The following RPAP1 variants were observed in gnomAD, a reference collection of about 807,000 sequenced individuals.
RPAP1 encodes the protein RNA polymerase II-associated protein 1.
RPAP1 carries 109 observed loss-of-function variants against 142.4 expected under a neutral mutation model. The ratio of observed to expected loss-of-function variants is 0.77; its 90% CI spans 0.66 to 0.90. The LOEUF is 0.90. Ranked by LOEUF, RPAP1 falls within the 40% of genes least tolerant of loss-of-function variation. The pLI, the probability that RPAP1 is intolerant of heterozygous loss-of-function variation, is 0.00. For synonymous variants in RPAP1, 704 were observed against 738.9 expected (o/e 0.95, Z 0.77); for missense variants, 1,546 against 1,751.7 (o/e 0.88, Z 2.10).
At position 41,527,028 on chromosome 15, in the gene RPAP1, T is replaced by C; in HGVS notation, c.1787A>G (p.Glu596Gly). ...CPRLIETIVR[E>G]FLPTSWSPVG... ...AGGAGACCAACTGGTGGGCAAGAAC[T>C]CTCGAACTATAGTCTCTATCAGCCG... Residue 596 changes from glutamate (E) to glycine (G), a missense_variant, in exon 14 of 25, where the codon GAG becomes GGG. By Grantham distance (98) the Glu-to-Gly change is moderately conservative. Transcript: ENST00000304330. 1.2e-6 allele frequency: 2 copies of C among 1,614,198 alleles called. No homozygotes were observed. The highest frequency in any genetic ancestry group is 1.7e-6 in the Non-Finnish European group (2 of 1,180,042).
At position 41,531,621 on chromosome 15, in the gene RPAP1, ATATATAT is replaced by A. The variant is rs1415485095; in HGVS notation, c.764-426_764-420del. On this transcript the variant is annotated intron_variant, in intron 6 of 24. Coordinates refer to ENST00000304330, the MANE Select transcript of RPAP1 (RefSeq NM_015540.4). ...CACACATATATATATATATATATAT[ATATATAT>A]TTTTTTTTTTTTTTTTTTTTTTTTT... Among the ~76,000 whole-genome samples the A allele has an allele frequency of 5.2e-3, 177 of 34,212 alleles. 4 individuals carry two copies. The highest frequency in any genetic ancestry group is 0.034 in the East Asian group (42 of 1,246). The allele number at this position is 34,212 out of a possible 152,430, so 22.4% of individuals were successfully genotyped here.
rs1267564405 is a variant in RPAP1, at chr15:41,522,110, C to T, written c.2883G>A (p.Leu961=). ...CAGGGGGACCTACCGCTTTCTGGGC[C>T]AGAGCGAGTGCCAGGTACTGCAGGT... The part of the protein sequence containing the change: ...EYHLQYLALA[L]AQKAAALQPL... Residue 961 remains leucine, a synonymous_variant, in exon 20 of 25, where the codon CTG becomes CTA. Transcript: ENST00000304330. 6.2e-7 allele frequency: 1 copy of T among 1,613,542 alleles called. No homozygotes were observed. The highest frequency in any genetic ancestry group is 2.2e-5 in the East Asian group (1 of 44,888).
intron 6 of RPAP1, among the ~76,000 whole-genome samples, chr15:41,531,621 ATATATATTTTTTTTTTTTTT>A (rs1200181690): frequency 0.017 from 580 of 33,924 alleles, 2 homozygotes; most frequent in African/African-American, 0.061. Context: ...ATATATATAT[ATATATATTTTTTTTTTTTTT>A]TTTTTTTTTT....
Position 41,523,778 on chromosome 15 carries a change from C to T in RPAP1, c.2429G>A (p.Ser810Asn). Residue 810 changes from serine (S) to asparagine (N), a missense_variant, in exon 17 of 25, where the codon AGC becomes AAC. Transcript: ENST00000304330. ...LFLGAYYQAW[S>N]QQPSSCPEDW... ...CCGGCAGGAGGCACTCACTTGCTGG[C>T]TCCAGGCCTGGTAGTAGGCTCCCAG... 6.3e-7 allele frequency: 1 copy of T among 1,597,596 alleles called. No homozygotes were observed. Among genetic ancestry groups the T allele is most frequent in the Non-Finnish European group, 8.5e-7 (1 of 1,172,720 alleles).
At position 41,536,646 on chromosome 15, in the gene RPAP1, A is replaced by G. The variant is rs1355545821; in HGVS notation, c.185T>C (p.Leu62Pro). 1.9e-6 allele frequency: 3 copies of G among 1,613,498 alleles called. No homozygotes were observed. The highest frequency in any genetic ancestry group is 3.3e-5 in the Admixed American group (2 of 59,962). Reference protein sequence around the residue: ...DHRDVVMLDNLPDLPPALVPS... With the variant: ...DHRDVVMLDNPPDLPPALVPS... Reference sequence around the variant, plus strand: ...GACCAAAGCTGGGGGCAAATCTGGGAGATCTGAGAAAGAAAAGATCCCAAA... The same window carrying G: ...GACCAAAGCTGGGGGCAAATCTGGGGGATCTGAGAAAGAAAAGATCCCAAA... Residue 62 changes from leucine (L) to proline (P), a missense_variant, in exon 3 of 25, where the codon CTC becomes CCC. Physicochemically the swap from Leu to Pro is moderately conservative, Grantham distance 98. Coordinates refer to ENST00000304330, the MANE Select transcript of RPAP1 (RefSeq NM_015540.4).
chr15:41,529,914 G>A lies in RPAP1; in HGVS notation c.1009C>T (p.Leu337Phe). Residue 337 changes from leucine to phenylalanine, a missense_variant, in exon 8 of 25, where the codon CTC becomes TTC. Physicochemically the swap from Leu to Phe is conservative, Grantham distance 22. Around this residue, in one of 3 missense-constraint regions of RPAP1, gnomAD observed 1,333 missense variants for 1,486.6 expected, o/e 0.90. Transcript: ENST00000304330. ...LHMDTVELEK[L>F]HWTQDLPPVR... The stretch of plus-strand genomic sequence containing the variant: ...GGGGGCAAGTCCTGGGTCCAGTGGA[G>A]CTTCTCCAGCTCGACAGTGTCCATG... 1 of 1,613,842 alleles carries A rather than the reference G, an allele frequency of 6.2e-7. No homozygotes were observed. The highest frequency in any genetic ancestry group is 8.5e-7 in the Non-Finnish European group (1 of 1,179,840).
rs2051811545 is a variant in RPAP1, at chr15:41,527,917, C to G, written c.1371G>C (p.Gly457=). The change falls in exon 11 of 25, where the codon GGG becomes GGC. Residue 457 remains glycine, a synonymous_variant. Coordinates refer to ENST00000304330, the MANE Select transcript of RPAP1 (RefSeq NM_015540.4). ...GAGCACGGATGGCGGTTGCAATGAC[C>G]CCATCCACTCTGTCATCCAAGGAGA... ...LRFSLDDRVD[G]VIATAIRALR... The G allele has an allele frequency of 6.2e-7, 1 of 1,614,098 alleles. No individual in the cohort carries two copies. Among genetic ancestry groups the G allele is most frequent in the Non-Finnish European group, 8.5e-7 (1 of 1,180,030 alleles).
intron 21 of RPAP1, among the ~76,000 whole-genome samples, chr15:41,521,513 C>A (rs2051725805): frequency 6.6e-6 from 1 of 152,188 alleles, no homozygotes; most frequent in Non-Finnish European, 1.5e-5. Context: ...GATTTAGATA[C>A]CATTTTTTTA....
intron 21 of RPAP1, 85 bp downstream of exon 21, chr15:41,521,653 C>A: frequency 6.8e-7 from 1 of 1,481,258 alleles, no homozygotes; most frequent in South Asian, 1.3e-5. Flanking sequence ...ATTTAGGTCT[C>A]CTGGCTCCAA....
In RPAP1 at chr15:41,536,148, A is replaced by G; in HGVS notation, c.401T>C (p.Leu134Pro). Residue 134 changes from leucine (L) to proline (P), a missense_variant, in exon 4 of 25, where the codon CTT (leucine) becomes CCT (proline). Physicochemically the swap from Leu to Pro is moderately conservative, Grantham distance 98. This residue lies in a region of RPAP1 where 1,333 missense variants were observed against 1,486.6 expected (regional missense o/e 0.90). Transcript: ENST00000304330. ...PSGVAFPAVF[L>P]RSRDTQGKSA... The stretch of plus-strand genomic sequence containing the variant: ...GCCTACCTGTGTGTCCCGCGAGCGA[A>G]GGAACACAGCAGGGAAAGCAACACC... 6.2e-7 allele frequency: 1 copy of G among 1,614,054 alleles called. No individual in the cohort carries two copies. Among genetic ancestry groups the G allele is most frequent in the Admixed American group, 1.7e-5 (1 of 59,994 alleles).
chr15:41,535,676 C>T, intron 4 of RPAP1, 44 bp from the exon 5 acceptor site: 1 of 1,596,178 alleles, frequency 6.3e-7, no homozygotes, highest in Non-Finnish European at 8.5e-7. Context: ...GCTCATCATC[C>T]CACTTTCCTC....
At chr15:41,517,931 C>G (rs2051682074) in intron 23 of RPAP1, 74 bp from the exon 24 acceptor site, 2 of 1,613,114 alleles carry the variant, frequency 1.2e-6, no homozygotes, top group East Asian at 4.5e-5. Flanking sequence ...TGACACTTAC[C>G]TCTTCCCCAG....
chr15:41,527,924 A>C lies in RPAP1; in HGVS notation c.1364T>G (p.Val455Gly). 6.2e-7 allele frequency: 1 copy of C among 1,614,060 alleles called. No individual in the cohort carries two copies. ...GATGGCGGTTGCAATGACCCCATCC[A>C]CTCTGTCATCCAAGGAGAAGCGCAG... is the stretch of plus-strand genomic sequence containing the variant. The part of the protein sequence containing the change: ...FLLRFSLDDR[V>G]DGVIATAIRA... Residue 455 changes from valine to glycine, a missense_variant, in exon 11 of 25, where the codon GTG (valine) becomes GGG (glycine). By Grantham distance (109) the Val-to-Gly change is moderately radical. Coordinates refer to ENST00000304330, the MANE Select transcript of RPAP1 (RefSeq NM_015540.4).
chr15:41,531,134 CAG>C lies in RPAP1; in HGVS notation c.830_831del (p.Ser277Ter). 6.2e-7 allele frequency: 1 copy of C among 1,614,062 alleles called. No homozygotes were observed. The highest frequency in any genetic ancestry group is 8.5e-7 in the Non-Finnish European group (1 of 1,179,968). ...GAGGGTCCTCCTGGCCTCTGCTCCT[CAG>C]AGGCTGTCTCTCCTGTTTGCTCTTG... is the stretch of plus-strand genomic sequence containing the variant. ...HTQEQTGETA[S>X]EEQRPGGPSA... On this transcript the variant is annotated frameshift_variant, in exon 7 of 25. Transcript: ENST00000304330. LOFTEE classifies it high-confidence loss of function.
At position 41,534,293 on chromosome 15, in the gene RPAP1, G is replaced by A. The variant is rs535800732; in HGVS notation, c.763+421C>T. On this transcript the variant is annotated intron_variant, in intron 6 of 24. Transcript: ENST00000304330. ...ATTAGCTGGGCGTGGTGGCAGATGC[G>A]TGTAATTCCAGCTACTCGAGAGACT... Among the ~76,000 whole-genome samples, 25 of 150,388 alleles carry A rather than the reference G, an allele frequency of 1.7e-4. No homozygotes were observed. In the East Asian group the frequency reaches 1.8e-3, roughly 11 times the overall value.
chr15:41,521,981 A>G, intron 20 of RPAP1, 101 bp from the exon 21 acceptor site: 1 of 1,558,922 alleles, frequency 6.4e-7, no homozygotes, highest in Non-Finnish European at 8.8e-7. Context: ...GCAGAGGTCC[A>G]GGGCATGTCT....
intron 1 of RPAP1, among the ~76,000 whole-genome samples, chr15:41,543,653 A>C (rs1030139759): frequency 6.6e-6 from 1 of 152,228 alleles, no homozygotes; most frequent in Non-Finnish European, 1.5e-5. Context: ...AATAAACCTC[A>C]GTAACAATTA....
At chr15:41,534,672 C>T (rs765273520) in intron 6 of RPAP1, 42 bp downstream of exon 6, 3 of 1,468,658 alleles carry the variant, frequency 2.0e-6, no homozygotes, top group Non-Finnish European at 2.8e-6. Flanking sequence ...AGTGGTATTC[C>T]TCTCCTAGCC....
Position 41,524,096 on chromosome 15 carries a change from C to G in RPAP1, c.2234G>C (p.Ser745Thr). 6.3e-7 allele frequency: 1 copy of G among 1,589,720 alleles called. No individual in the cohort carries two copies. The highest frequency in any genetic ancestry group is 8.6e-7 in the Non-Finnish European group (1 of 1,165,698). The change falls in exon 16 of 25, where the codon AGT becomes ACT. Residue 745 changes from serine to threonine, a missense_variant and splice_region_variant. Around this residue, in one of 3 missense-constraint regions of RPAP1, gnomAD observed 1,333 missense variants for 1,486.6 expected, o/e 0.90. Coordinates refer to ENST00000304330, the MANE Select transcript of RPAP1 (RefSeq NM_015540.4). ...CCTGTGGGTCCTGGCTATAAACTAC[C>G]TGATGGTTTCAGCAGGGGTACTGCC... is the stretch of plus-strand genomic sequence containing the variant. ...AAGSTPAETI[S>T]DSAEASLSAT...
Sources: allele counts gnomAD v4.1 joint callset (sites outside exome capture counted in the v4.1 genomes callset), GRCh38; gene constraint gnomAD v4.1.1; regional missense constraint gnomAD v4.1.1; transcripts MANE v1.5; gene names NCBI Gene and HGNC (gene_info 2026-07-23, HGNC 2026-07-21).